CEP112: variants seen among roughly 807,000 people sequenced by gnomAD.
CEP112 encodes centrosomal protein of 112 kDa.
CEP112 carries 127 observed loss-of-function variants against 153.0 expected under a neutral mutation model. The ratio of observed to expected loss-of-function variants is 0.83; its 90% CI spans 0.72 to 0.96. The LOEUF (loss-of-function observed/expected upper bound fraction) is 0.96, where lower values mean the gene tolerates loss of function less well. CEP112 is among the 40% of genes least tolerant of loss of function. The pLI is 0.00. For synonymous variants in CEP112, 358 were observed against 374.4 expected (o/e 0.96, Z 0.51); for missense variants, 1,089 against 1,101.2 (o/e 0.99, Z 0.16).
chr17:65,975,450 A>G (rs1471790548), intron 17 of CEP112, among the ~76,000 whole-genome samples: 1 of 152,228 alleles, frequency 6.6e-6, no homozygotes, highest in Non-Finnish European at 1.5e-5. Flanking sequence ...AACAACATAC[A>G]CAAATATATA....
chr17:65,970,369 T>C (rs1000767327), intron 17 of CEP112, among the ~76,000 whole-genome samples: 2 of 71,724 alleles, frequency 2.8e-5, no homozygotes, highest in Non-Finnish European at 6.7e-5. Flanking sequence ...CTATATTACA[T>C]GCACACATCA....
chr17:66,021,438 G>T (rs537247917), intron 16 of CEP112, among the ~76,000 whole-genome samples: 1 of 152,154 alleles, frequency 6.6e-6, no homozygotes, highest in Non-Finnish European at 1.5e-5. Context: ...GCATGGTTTT[G>T]CCTGGGTAGC....
chr17:66,130,572 A>G (rs534404075), intron 5 of CEP112, among the ~76,000 whole-genome samples: 18 of 152,086 alleles, frequency 1.2e-4, no homozygotes, highest in Admixed American at 1.3e-4. Context: ...TCAGGAGATC[A>G]AGACCATCCT....
At chr17:65,839,432 GA>G (rs2057434861) in intron 21 of CEP112, among the ~76,000 whole-genome samples, 1 of 148,252 alleles carries the variant, frequency 6.7e-6, no homozygotes. Flanking sequence ...AGTAGATGCT[GA>G]AAAATCATTC....
intron 20 of CEP112, among the ~76,000 whole-genome samples, chr17:65,872,686 C>T (rs2146517298): frequency 6.6e-6 from 1 of 152,128 alleles, no homozygotes; most frequent in Non-Finnish European, 1.5e-5. Context: ...TAGAGATGAA[C>T]AACTAAAAAA....
intron 20 of CEP112, among the ~76,000 whole-genome samples, chr17:65,900,593 A>G (rs927379347): frequency 4.6e-5 from 7 of 152,290 alleles, no homozygotes; most frequent in Non-Finnish European, 8.8e-5. Flanking sequence ...ATAGGAAGTT[A>G]TGCAAATTAG....
intron 12 of CEP112, among the ~76,000 whole-genome samples, chr17:66,047,791 A>G (rs1169208983): frequency 6.6e-6 from 1 of 152,216 alleles, no homozygotes; most frequent in African/African-American, 2.4e-5. Context: ...TAAATATTAC[A>G]AAAGATGTCC....
At chr17:66,099,915 G>A (rs910468854) in intron 6 of CEP112, among the ~76,000 whole-genome samples, 2 of 152,082 alleles carry the variant, frequency 1.3e-5, no homozygotes, top group African/African-American at 2.4e-5. Flanking sequence ...TCTCCTACAT[G>A]TCAATACTTA....
chr17:65,663,269 C>T (rs2046489346), intron 24 of CEP112, among the ~76,000 whole-genome samples: 1 of 152,108 alleles, frequency 6.6e-6, no homozygotes, highest in African/African-American at 2.4e-5. Context: ...CTTCTGTGAT[C>T]TTTGTCATAT....
intron 24 of CEP112, among the ~76,000 whole-genome samples, chr17:65,685,698 T>C (rs928176709): frequency 2.9e-4 from 36 of 126,298 alleles, no homozygotes; most frequent in African/African-American, 1.1e-3. Context: ...TTTGAGATGG[T>C]GTCTTGCTCT....
intron 6 of CEP112, among the ~76,000 whole-genome samples, chr17:66,115,760 A>C (rs2069260666): frequency 6.6e-6 from 1 of 152,162 alleles, no homozygotes; most frequent in Admixed American, 6.5e-5. Flanking sequence ...TTAATCTGAG[A>C]TTGATCTCCC....
At chr17:65,995,805 A>T (rs2063764586) in intron 17 of CEP112, among the ~76,000 whole-genome samples, 1 of 152,156 alleles carries the variant, frequency 6.6e-6, no homozygotes, top group Non-Finnish European at 1.5e-5. Context: ...TAACTGAATC[A>T]TGGGTACAGA....
At chr17:66,005,166 A>T (rs527603751) in intron 17 of CEP112, among the ~76,000 whole-genome samples, 39 of 152,336 alleles carry the variant, frequency 2.6e-4, no homozygotes, top group African/African-American at 9.4e-4. Flanking sequence ...TAGTAATAGG[A>T]GAGCCCAATC....
chr17:65,681,117 G>A (rs2047501171), intron 24 of CEP112, among the ~76,000 whole-genome samples: 1 of 152,196 alleles, frequency 6.6e-6, no homozygotes, highest in Non-Finnish European at 1.5e-5. Flanking sequence ...GAGGATAGGG[G>A]CTCCGGAAAG....
intron 17 of CEP112, among the ~76,000 whole-genome samples, chr17:65,987,981 G>A (rs1381457731): frequency 6.6e-6 from 1 of 152,130 alleles, no homozygotes; most frequent in African/African-American, 2.4e-5. Flanking sequence ...GAGACAAAGG[G>A]AGAGGTGAGT....
intron 4 of CEP112, among the ~76,000 whole-genome samples, chr17:66,141,672 A>T (rs1364553369): frequency 6.6e-6 from 1 of 152,206 alleles, no homozygotes; most frequent in Non-Finnish European, 1.5e-5. Context: ...TAACTCAGCA[A>T]AAGTCCTCCA....
chr17:65,913,965 T>A, intron 19 of CEP112: 1 of 704,090 alleles, frequency 1.4e-6, no homozygotes, highest in Non-Finnish European at 1.7e-6. Flanking sequence ...GCTATTACTT[T>A]CTGTGGTTTT....
At chr17:65,639,684 C>CA (rs11309560) in intron 25 of CEP112, among the ~76,000 whole-genome samples, 18,365 of 114,940 alleles carry the variant, frequency 0.16, 1,488 homozygotes, top group East Asian at 0.48. Context: ...AACTCTGTCT[C>CA]AAAAAAAAAA....
chr17:65,800,659 A>G (rs1434027600), intron 21 of CEP112, among the ~76,000 whole-genome samples: 1 of 152,206 alleles, frequency 6.6e-6, no homozygotes, highest in Non-Finnish European at 1.5e-5. Flanking sequence ...TATAATTCTA[A>G]GTTTAATTTT....
Sources: gnomAD v4.1 joint callset for allele counts (sites outside exome capture counted in the v4.1 genomes callset) on GRCh38, gnomAD v4.1.1 for gene constraint, MANE v1.5 for transcripts, NCBI Gene and HGNC (gene_info 2026-07-23, HGNC 2026-07-21) for gene names.